The following BACH2 variants were observed in gnomAD, a reference collection of about 807,000 sequenced individuals.
BACH2 encodes transcription regulator protein BACH2.
A neutral mutation model predicts 61.8 loss-of-function variants in BACH2; 5 were observed. The ratio of observed to expected loss-of-function variants is 0.08; its 90% CI spans 0.04 to 0.17. The LOEUF (loss-of-function observed/expected upper bound fraction) is 0.17, where lower values mean the gene tolerates loss of function less well. BACH2 is among the 10% of genes least tolerant of loss of function. The pLI is 1.00. For synonymous variants in BACH2, 446 were observed against 440.1 expected (o/e 1.01, Z -0.17); for missense variants, 824 against 1,091.1 (o/e 0.76, Z 3.45).
chr6:90,183,542 A>G (rs1022125406), intron 4 of BACH2, among the ~76,000 whole-genome samples: 1 of 152,230 alleles, frequency 6.6e-6, no homozygotes. Context: ...TAGTATCCCA[A>G]TTAAGACAAT....
At chr6:90,083,007 G>A (rs1188086583) in intron 5 of BACH2, among the ~76,000 whole-genome samples, 2 of 152,122 alleles carry the variant, frequency 1.3e-5, no homozygotes, top group South Asian at 2.1e-4. Flanking sequence ...ACTGTTCTGG[G>A]GCAGAAGAGC....
At chr6:89,974,636 C>T (rs6936055) in intron 6 of BACH2, among the ~76,000 whole-genome samples, 44,154 of 152,006 alleles carry the variant, frequency 0.29, 7,429 homozygotes, top group African/African-American at 0.46. Context: ...AAAGTTGATA[C>T]GTAAAAATTA....
At chr6:90,092,101 C>A (rs887366153) in intron 4 of BACH2, among the ~76,000 whole-genome samples, 1 of 151,604 alleles carries the variant, frequency 6.6e-6, no homozygotes, top group Non-Finnish European at 1.5e-5. Flanking sequence ...ATACAAAAAA[C>A]AAACCACCAT....
chr6:90,169,534 T>C (rs149431385), intron 4 of BACH2, among the ~76,000 whole-genome samples: 32 of 152,292 alleles, frequency 2.1e-4, no homozygotes, highest in Middle Eastern at 3.4e-3. Flanking sequence ...TGTTTAATAA[T>C]AGACTCTCTG....
intron 1 of BACH2, among the ~76,000 whole-genome samples, chr6:90,293,050 G>A (rs2127894501): frequency 6.6e-6 from 1 of 152,198 alleles, no homozygotes; most frequent in South Asian, 2.1e-4. Flanking sequence ...TGAAAACGAG[G>A]GGCCCTTTGT....
At chr6:90,000,212 C>T (rs1038804094) in intron 6 of BACH2, among the ~76,000 whole-genome samples, 2 of 152,188 alleles carry the variant, frequency 1.3e-5, no homozygotes, top group African/African-American at 2.4e-5. Context: ...CTTTCTGTGG[C>T]GCTGCCTTAC....
At chr6:90,038,313 T>A (rs934410125) in intron 5 of BACH2, among the ~76,000 whole-genome samples, 2 of 152,204 alleles carry the variant, frequency 1.3e-5, no homozygotes, top group African/African-American at 2.4e-5. Context: ...TTCTCCTTCA[T>A]GCCCCATCCC....
chr6:90,060,091 G>A (rs1780603021), intron 5 of BACH2, among the ~76,000 whole-genome samples: 2 of 151,094 alleles, frequency 1.3e-5, no homozygotes, highest in East Asian at 1.9e-4. Flanking sequence ...GAAGCTGCAC[G>A]TCGTGCACAT....
At chr6:90,157,609 G>T (rs1582430188) in intron 4 of BACH2, among the ~76,000 whole-genome samples, 1 of 152,158 alleles carries the variant, frequency 6.6e-6, no homozygotes, top group Non-Finnish European at 1.5e-5. Flanking sequence ...ATACCGCTGT[G>T]CATGAGCCAA....
At chr6:90,174,724 TA>T (rs1767931344) in intron 4 of BACH2, among the ~76,000 whole-genome samples, 1 of 152,084 alleles carries the variant, frequency 6.6e-6, no homozygotes, top group Non-Finnish European at 1.5e-5. Flanking sequence ...TAAAATATTC[TA>T]TAGCAATGAA....
chr6:90,133,727 T>C (rs1038513495), intron 4 of BACH2, among the ~76,000 whole-genome samples: 2 of 152,108 alleles, frequency 1.3e-5, no homozygotes. Context: ...GTGTGTGATG[T>C]TCCCCTTCCT....
chr6:90,289,448 T>C (rs555504565), intron 1 of BACH2, among the ~76,000 whole-genome samples: 1 of 151,892 alleles, frequency 6.6e-6, no homozygotes, highest in Admixed American at 6.5e-5. Context: ...AAAAAGAAAA[T>C]AGAGGGGTGT....
At chr6:90,225,906 G>A (rs1410097036) in intron 3 of BACH2, among the ~76,000 whole-genome samples, 1 of 152,140 alleles carries the variant, frequency 6.6e-6, no homozygotes, top group Admixed American at 6.5e-5. Context: ...TAAACCAAGA[G>A]GCCATCAGTT....
At chr6:89,961,570 C>G (rs989816203) in intron 6 of BACH2, among the ~76,000 whole-genome samples, 1 of 152,204 alleles carries the variant, frequency 6.6e-6, no homozygotes, top group Admixed American at 6.5e-5. Context: ...TCATTTCAAA[C>G]CAACTATGAA....
At chr6:90,222,368 C>T (rs1769763201) in intron 3 of BACH2, among the ~76,000 whole-genome samples, 1 of 152,122 alleles carries the variant, frequency 6.6e-6, no homozygotes, top group Admixed American at 6.5e-5. Context: ...ACAGTCCATG[C>T]AAGGGACACA....
At chr6:90,022,204 T>C (rs866480721) in intron 5 of BACH2, among the ~76,000 whole-genome samples, 21 of 152,316 alleles carry the variant, frequency 1.4e-4, no homozygotes, top group Middle Eastern at 6.8e-3. Flanking sequence ...TTCTTTCAAA[T>C]AGGCCAAAAT....
intron 6 of BACH2, among the ~76,000 whole-genome samples, chr6:89,996,892 A>T (rs1776876905): frequency 6.6e-6 from 1 of 152,174 alleles, no homozygotes; most frequent in African/African-American, 2.4e-5. Flanking sequence ...TTCTAAGTTA[A>T]TCCCCCAAAG....
chr6:90,200,589 G>A (rs1450983953), intron 4 of BACH2, among the ~76,000 whole-genome samples: 2 of 152,102 alleles, frequency 1.3e-5, no homozygotes, highest in Non-Finnish European at 2.9e-5. Flanking sequence ...CACCTCAAAT[G>A]CAAAACAGCT....
chr6:90,116,605 C>T lies in BACH2; in HGVS notation c.-161-27496G>A, dbSNP rs1783411306. 7 of 222,014 alleles carry T rather than the reference C, an allele frequency of 3.2e-5. No homozygotes were observed. The South Asian group carries it at 6.6e-4, about 21-fold the overall frequency. 13.8% of individuals were successfully genotyped at this position (222,014 alleles called of 1,614,324 possible). Reference sequence around the variant, plus strand: ...ACAAACCTTCACATTTACCCCCAAACCTAAAATAAAAATTAAAAAAAGAGA... The same window carrying T: ...ACAAACCTTCACATTTACCCCCAAATCTAAAATAAAAATTAAAAAAAGAGA... On this transcript the variant is annotated intron_variant, in intron 4 of 8. Coordinates refer to ENST00000257749, the MANE Select transcript of BACH2 (RefSeq NM_021813.4).
Sources: gnomAD v4.1 joint callset for allele counts (sites outside exome capture counted in the v4.1 genomes callset) on GRCh38, gnomAD v4.1.1 for gene constraint, MANE v1.5 for transcripts, NCBI Gene and HGNC (gene_info 2026-07-23, HGNC 2026-07-21) for gene names.